Variants in NIPBL observed in about 807,000 individuals in gnomAD.
The protein encoded by NIPBL is NIPBL cohesin loading factor.
In NIPBL, 19 loss-of-function variants were observed where a neutral mutation model predicts 321.8. The observed-to-expected ratio is 0.06, with a 90% CI of 0.04 to 0.09. The LOEUF is 0.09. NIPBL is among the 10% of genes least tolerant of loss of function. The pLI is 1.00. For missense variants in NIPBL, 2,210 were observed against 3,327.0 expected (o/e 0.66, Z 8.26); for synonymous variants, 1,106 against 1,114.1 (o/e 0.99, Z 0.14).
At chr5:36,979,777 A>G (rs1457183961) in intron 9 of NIPBL, among the ~76,000 whole-genome samples, 3 of 151,732 alleles carry the variant, frequency 2.0e-5, no homozygotes, top group Non-Finnish European at 4.4e-5. Flanking sequence ...TCAAATGAAA[A>G]AAGTAATATT....
At chr5:37,056,165 G>C (rs529766042) in intron 42 of NIPBL, among the ~76,000 whole-genome samples, 6 of 152,164 alleles carry the variant, frequency 3.9e-5, no homozygotes, top group Non-Finnish European at 7.4e-5. Flanking sequence ...ATGAGGTAGG[G>C]TTTTATGTCT....
intron 46 of NIPBL, 193 bp from the exon 47 acceptor site, chr5:37,064,334 A>G (rs1755155508): frequency 1.4e-6 from 2 of 1,439,264 alleles, no homozygotes; most frequent in Admixed American, 2.8e-5. Flanking sequence ...ACAAATTAAG[A>G]GTTATATGGT....
intron 1 of NIPBL, chr5:36,885,373 C>A (rs969483028): frequency 1.3e-5 from 6 of 456,578 alleles, no homozygotes; most frequent in Middle Eastern, 7.4e-4. Flanking sequence ...GCTTCCGCGG[C>A]GGCTTGGGGT....
chr5:36,928,259 G>GCCAACCCC (rs1749514707), intron 1 of NIPBL, among the ~76,000 whole-genome samples: 1 of 152,164 alleles, frequency 6.6e-6, no homozygotes, highest in Admixed American at 6.5e-5. Flanking sequence ...AAGTGAAGTA[G>GCCAACCCC]TCTTTAACTA....
intron 1 of NIPBL, among the ~76,000 whole-genome samples, chr5:36,913,241 A>G (rs1055341156): frequency 1.3e-5 from 2 of 152,218 alleles, no homozygotes; most frequent in African/African-American, 4.8e-5. Context: ...TACGTAGGGT[A>G]AAGTGCCATA....
At position 36,975,815 on chromosome 5, in the gene NIPBL, C is replaced by T. The variant is rs1485608228; in HGVS notation, c.908C>T (p.Pro303Leu). The stretch of plus-strand genomic sequence containing the variant: ...TTAATCCTACAATCTCAGTCTCTAC[C>T]TTGTTCATCACCTCGAGATGTTCCA... ...PPLILQSQSL[P>L]CSSPRDVPPD... Residue 303 changes from proline (P) to leucine (L), a missense_variant, in exon 9 of 47, where the codon CCT becomes CTT. Physicochemically the swap from Pro to Leu is moderately conservative, Grantham distance 98 (BLOSUM62 -3). Coordinates refer to ENST00000282516, the MANE Select transcript of NIPBL (RefSeq NM_133433.4). The T allele has an allele frequency of 1.2e-6, 2 of 1,613,484 alleles. No homozygotes were observed. The highest frequency in any genetic ancestry group is 1.7e-5 in the Admixed American group (1 of 59,966).
intron 24 of NIPBL, 139 bp downstream of exon 24, chr5:37,017,301 A>G: frequency 1.3e-6 from 1 of 788,890 alleles, no homozygotes; most frequent in Non-Finnish European, 2.0e-6. Context: ...TCAAAGCCCC[A>G]GTGAGAAATT....
At chr5:36,930,378 A>G (rs1232284301) in intron 1 of NIPBL, among the ~76,000 whole-genome samples, 4 of 151,980 alleles carry the variant, frequency 2.6e-5, no homozygotes, top group Non-Finnish European at 5.9e-5. Flanking sequence ...TAGAAATACA[A>G]CTGATTTTTG....
intron 1 of NIPBL, among the ~76,000 whole-genome samples, chr5:36,939,017 T>C (rs967750112): frequency 6.6e-6 from 1 of 151,936 alleles, no homozygotes; most frequent in Non-Finnish European, 1.5e-5. Flanking sequence ...TGTTGTTTGT[T>C]TTTTTCACAG....
Position 37,016,070 on chromosome 5 carries a change from G to A in NIPBL, c.4676G>A (p.Arg1559Lys). The A allele has an allele frequency of 6.2e-7, 1 of 1,613,910 alleles. No individual in the cohort carries two copies. The highest frequency in any genetic ancestry group is 8.5e-7 in the Non-Finnish European group (1 of 1,179,902). The change falls in exon 23 of 47, where the codon AGA becomes AAA. Residue 1559 changes from arginine to lysine, a missense_variant. By Grantham distance (26) the Arg-to-Lys change is conservative (BLOSUM62 2). This residue lies in a region of NIPBL where 28 missense variants were observed against 91.3 expected (regional missense o/e 0.31). Transcript: ENST00000282516. Reference protein sequence around the residue: ...CGSKQGEEDYRPLFENFVQDL... With the variant: ...CGSKQGEEDYKPLFENFVQDL... ...AGTAAGCAAGGTGAAGAAGATTACA[G>A]ACCACTGTTTGAAAATTTTGTTCAA... is the stretch of plus-strand genomic sequence containing the variant.
In NIPBL at chr5:36,936,000, G is replaced by A. The variant is rs1441084947; in HGVS notation, c.-79-17618G>A. Among the ~76,000 whole-genome samples the A allele has an allele frequency of 2.6e-5, 4 of 152,090 alleles. No homozygotes were observed. In the South Asian group the frequency reaches 6.2e-4, roughly 24 times the overall value. ...TGAGATCCTTTATTACATTGGCAAA[G>A]ACGCTTTTTCCAAATAAGGTGACAT... On this transcript the variant is annotated intron_variant, in intron 1 of 46. Transcript: ENST00000282516.
chr5:36,897,604 A>G (rs1326161886), intron 1 of NIPBL, among the ~76,000 whole-genome samples: 1 of 152,232 alleles, frequency 6.6e-6, no homozygotes, highest in Non-Finnish European at 1.5e-5. Context: ...ACAACTCAGA[A>G]GAAAAACGAT....
At chr5:36,940,627 C>T (rs943880134) in intron 1 of NIPBL, among the ~76,000 whole-genome samples, 2 of 151,934 alleles carry the variant, frequency 1.3e-5, no homozygotes, top group Non-Finnish European at 2.9e-5. Context: ...TTCTTTTTTT[C>T]TCTTGCAGCA....
chr5:36,957,444 A>G (rs966525490), intron 3 of NIPBL, among the ~76,000 whole-genome samples: 1 of 152,286 alleles, frequency 6.6e-6, no homozygotes, highest in South Asian at 2.1e-4. Context: ...CCAAATATCA[A>G]CTTTTTGTGT....
chr5:36,908,438 A>C (rs1747809294), intron 1 of NIPBL, among the ~76,000 whole-genome samples: 1 of 136,332 alleles, frequency 7.3e-6, no homozygotes, highest in Non-Finnish European at 1.6e-5. Flanking sequence ...AATTAGAAAC[A>C]AGTCTTGAGA....
chr5:36,914,658 A>G (rs1397580723), intron 1 of NIPBL, among the ~76,000 whole-genome samples: 1 of 152,212 alleles, frequency 6.6e-6, no homozygotes, highest in Admixed American at 6.5e-5. Context: ...CCAAAATTTG[A>G]AAATCCGAAA....
chr5:37,007,726 T>C (rs892690192), intron 18 of NIPBL, among the ~76,000 whole-genome samples: 12 of 152,004 alleles, frequency 7.9e-5, no homozygotes, highest in African/African-American at 2.7e-4. Flanking sequence ...CATGCAGATA[T>C]TAAATGTTTG....
At chr5:36,938,455 A>T (rs990091564) in intron 1 of NIPBL, among the ~76,000 whole-genome samples, 2 of 152,172 alleles carry the variant, frequency 1.3e-5, no homozygotes, top group African/African-American at 4.8e-5. Context: ...CTGGTTAAAG[A>T]TTATGGTAGT....
At chr5:36,909,584 T>C (rs1747891322) in intron 1 of NIPBL, among the ~76,000 whole-genome samples, 1 of 152,108 alleles carries the variant, frequency 6.6e-6, no homozygotes, top group Non-Finnish European at 1.5e-5. Flanking sequence ...TGCAGTATTA[T>C]TGGTAATCAC....
Sources: allele counts gnomAD v4.1 joint callset (sites outside exome capture counted in the v4.1 genomes callset), GRCh38; gene constraint gnomAD v4.1.1; regional missense constraint gnomAD v4.1.1; transcripts MANE v1.5; gene names NCBI Gene and HGNC (gene_info 2026-07-23, HGNC 2026-07-21).